Variants in PRKX observed in about 807,000 individuals in gnomAD.
PRKX encodes protein kinase cAMP-dependent X-linked catalytic subunit, also known as cAMP-dependent protein kinase catalytic subunit PRKX.
In PRKX, 12 loss-of-function variants were observed where a neutral mutation model predicts 22.0. The observed-to-expected ratio is 0.54, with a 90% CI of 0.35 to 0.88. The LOEUF (loss-of-function observed/expected upper bound fraction) is 0.88. Ranked by LOEUF, PRKX falls within the 40% of genes least tolerant of loss-of-function variation. The pLI, the probability that PRKX is intolerant of heterozygous loss-of-function variation, is 0.01. For synonymous variants in PRKX, 134 were observed against 137.7 expected (o/e 0.97, Z 0.19); for missense variants, 217 against 308.0 (o/e 0.70, Z 2.21).
rs756028643 is a variant in PRKX, at chrX:3,682,992, C to T, written c.167-8226G>A. 2.0e-4 allele frequency among the ~76,000 whole-genome samples: 21 copies of T among 102,985 alleles called. No homozygotes were observed. The South Asian group carries it at 2.3e-3, about 11-fold the overall frequency. The allele number at this position is 102,985 out of a possible 115,157, so 89.4% of individuals were successfully genotyped here. Reference sequence around the variant, plus strand: ...CACAGAGGAGAAGGCCATGTGGAGACGGAGGCAGAGACCGCAGTGATGCGG... The same window carrying T: ...CACAGAGGAGAAGGCCATGTGGAGATGGAGGCAGAGACCGCAGTGATGCGG... On this transcript the variant is annotated intron_variant, in intron 1 of 8. Transcript: ENST00000262848.
intron 6 of PRKX, among the ~76,000 whole-genome samples, chrX:3,619,284 T>C (rs111655649): frequency 0.075 from 8,300 of 110,574 alleles, 265 homozygotes; most frequent in African/African-American, 0.12. Flanking sequence ...GCCACAAGCC[T>C]AGGGATGCCT....
intron 1 of PRKX, among the ~76,000 whole-genome samples, chrX:3,691,192 G>C (rs144178280): frequency 9.0e-6 from 1 of 111,661 alleles, no homozygotes; most frequent in Non-Finnish European, 1.9e-5. Context: ...TTGCAGAAGC[G>C]AGAACAAAGG....
In PRKX at chrX:3,608,288, C is replaced by A. The variant is rs1332868931; in HGVS notation, c.*681G>T. 1.8e-5 allele frequency: 2 copies of A among 110,201 alleles called. No individual in the cohort carries two copies. Among genetic ancestry groups the A allele is most frequent in the African/African-American group, 6.6e-5 (2 of 30,293 alleles). The allele number at this position is 110,201 out of a possible 1,213,427, so 9.1% of individuals were successfully genotyped here. A position where few individuals can be genotyped will look rare whatever the true frequency, so the allele number is the denominator to read the frequency against. On this transcript the variant is annotated 3_prime_UTR_variant, in exon 9 of 9. Coordinates refer to ENST00000262848, the MANE Select transcript of PRKX (RefSeq NM_005044.5). Reference sequence around the variant, plus strand: ...TCTTGGAATAAATTCGCTCCCATATCTTCCCCTCTTTGTTTCTTCTTTTAA... The same window carrying A: ...TCTTGGAATAAATTCGCTCCCATATATTCCCCTCTTTGTTTCTTCTTTTAA...
chrX:3,617,495 A>C (rs1926454216), intron 6 of PRKX, among the ~76,000 whole-genome samples: 3 of 109,663 alleles, frequency 2.7e-5, no homozygotes, highest in Admixed American at 9.9e-5. Context: ...AAACATAAAA[A>C]ATTAGCCAGC....
chrX:3,684,680 G>A (rs763223120), intron 1 of PRKX, among the ~76,000 whole-genome samples: 36 of 111,156 alleles, frequency 3.2e-4, no homozygotes, highest in African/African-American at 1.1e-3. Context: ...GCTGGAAGTC[G>A]GAGACCCAGG....
intron 1 of PRKX, among the ~76,000 whole-genome samples, chrX:3,701,644 T>C (rs1255449800): frequency 8.9e-6 from 1 of 112,159 alleles, no homozygotes; most frequent in Non-Finnish European, 1.9e-5. Context: ...AGCTGAAGCC[T>C]GTTGGGCTGC....
At chrX:3,684,490 G>A (rs7055418) in intron 1 of PRKX, among the ~76,000 whole-genome samples, 17,966 of 110,711 alleles carry the variant, frequency 0.16, 1,851 homozygotes, top group African/African-American at 0.38. Flanking sequence ...GTGGCTAAAC[G>A]TAAATGAAAA....
intron 1 of PRKX, among the ~76,000 whole-genome samples, chrX:3,692,856 T>C (rs903063036): frequency 7.2e-5 from 8 of 111,755 alleles, no homozygotes; most frequent in African/African-American, 2.6e-4. Flanking sequence ...TTGCATTTAA[T>C]GTTAGATGGC....
intron 2 of PRKX, among the ~76,000 whole-genome samples, chrX:3,658,757 G>A (rs1191175450): frequency 1.8e-5 from 2 of 110,613 alleles, no homozygotes; most frequent in Non-Finnish European, 3.8e-5. Flanking sequence ...TGCTATCACA[G>A]ATGCTCCCCT....
chrX:3,607,021 T>A lies in PRKX; in HGVS notation c.*1948A>T, dbSNP rs1215312351. The stretch of plus-strand genomic sequence containing the variant: ...CAGGCTTTCCTGATGCTAATTCTCA[T>A]CTGAGTATGAAATCCTGGATAATAA... On this transcript the variant is annotated 3_prime_UTR_variant, in exon 9 of 9. Transcript: ENST00000262848. 1 of 112,300 alleles carries A rather than the reference T, an allele frequency of 8.9e-6. No homozygotes were observed. Among genetic ancestry groups the A allele is most frequent in the African/African-American group, 3.2e-5 (1 of 30,879 alleles). 9.3% of individuals were successfully genotyped at this position (112,300 alleles called of 1,213,427 possible). A position where few individuals can be genotyped will look rare whatever the true frequency, so the allele number is the denominator to read the frequency against.
At chrX:3,640,490 T>C (rs1435922038) in intron 4 of PRKX, among the ~76,000 whole-genome samples, 1 of 112,118 alleles carries the variant, frequency 8.9e-6, no homozygotes, top group Non-Finnish European at 1.9e-5. Flanking sequence ...TTTGCGTTTC[T>C]GGTCTAGTCA....
intron 1 of PRKX, among the ~76,000 whole-genome samples, chrX:3,690,591 G>A (rs989066069): frequency 2.1e-4 from 23 of 111,475 alleles, no homozygotes; most frequent in Admixed American, 1.3e-3. Context: ...AAACAGCCAG[G>A]CATGGTGGCA....
At chrX:3,674,555 T>C in intron 2 of PRKX, 43 bp downstream of exon 2, 1 of 1,191,568 alleles carries the variant, frequency 8.4e-7, no homozygotes, top group Admixed American at 2.2e-5. Context: ...CACACAGGGG[T>C]CTAGGGAGAG....
chrX:3,617,230 TTA>T (rs34371098), intron 6 of PRKX, among the ~76,000 whole-genome samples: 33 of 108,028 alleles, frequency 3.1e-4, no homozygotes, highest in East Asian at 2.3e-3. Flanking sequence ...TACACATGTA[TTA>T]TATATATATA....
intron 3 of PRKX, among the ~76,000 whole-genome samples, chrX:3,651,783 T>C (rs949234693): frequency 9.0e-6 from 1 of 111,706 alleles, no homozygotes; most frequent in African/African-American, 3.3e-5. Flanking sequence ...ATATAAAATG[T>C]ATTTTCTAGG....
chrX:3,665,982 C>A (rs1226682791), intron 2 of PRKX, among the ~76,000 whole-genome samples: 1 of 103,009 alleles, frequency 9.7e-6, no homozygotes, highest in Non-Finnish European at 2.0e-5. Flanking sequence ...GTGCTCCATG[C>A]CACTAAACAG....
chrX:3,622,209 G>T (rs770289318), intron 5 of PRKX, among the ~76,000 whole-genome samples: 1 of 110,523 alleles, frequency 9.0e-6, no homozygotes, highest in African/African-American at 3.3e-5. Flanking sequence ...AATTAGGATG[G>T]GTAGTTGGAG....
At chrX:3,669,614 G>A (rs1369522689) in intron 2 of PRKX, among the ~76,000 whole-genome samples, 1 of 111,990 alleles carries the variant, frequency 8.9e-6, no homozygotes, top group South Asian at 3.7e-4. Flanking sequence ...CTTTTAGCAT[G>A]AGAGCTCTGC....
chrX:3,674,901 G>A, intron 1 of PRKX, 135 bp from the exon 2 acceptor site: 3 of 723,741 alleles, frequency 4.1e-6, no homozygotes, highest in South Asian at 2.6e-5. Context: ...GAGACTTTGT[G>A]TCATGGTGCA....
Sources: gnomAD v4.1 joint callset for allele counts (sites outside exome capture counted in the v4.1 genomes callset) on GRCh38, gnomAD v4.1.1 for gene constraint, MANE v1.5 for transcripts, NCBI Gene and HGNC (gene_info 2026-07-23, HGNC 2026-07-21) for gene names.